CLDN18: variants seen among roughly 807,000 people sequenced by gnomAD.
The protein encoded by CLDN18 is claudin-18.
Under a neutral mutation model 25.0 loss-of-function variants are expected in CLDN18, and 20 were observed. That is an observed-to-expected ratio of 0.80 (90% CI 0.56 to 1.16). The LOEUF (loss-of-function observed/expected upper bound fraction) is 1.16, where lower values mean the gene tolerates loss of function less well. CLDN18 is among the 50% of genes most tolerant of loss of function. CLDN18 has a pLI of 0.00. For synonymous variants in CLDN18, 125 were observed against 135.6 expected (o/e 0.92, Z 0.54); for missense variants, 297 against 345.4 (o/e 0.86, Z 1.11).
intron 1 of CLDN18, among the ~76,000 whole-genome samples, chr3:138,013,106 G>C (rs1182677412): frequency 6.6e-6 from 1 of 152,170 alleles, no homozygotes; most frequent in Non-Finnish European, 1.5e-5. Context: ...TAAATAGTAC[G>C]AATAGTTCAT....
At chr3:138,006,860 T>C (rs556145826), upstream of CLDN18, among the ~76,000 whole-genome samples, 38 of 152,292 alleles carry the variant, frequency 2.5e-4, no homozygotes, top group African/African-American at 9.1e-4. Context: ...CTTTTTCTAT[T>C]TTCAAAAAAG....
Position 138,031,228 on chromosome 3 carries a change from C to T in CLDN18, c.*87C>T. On this transcript the variant is annotated 3_prime_UTR_variant, in exon 5 of 5. Coordinates refer to ENST00000183605, the MANE Select transcript of CLDN18 (RefSeq NM_016369.4). ...GAGATCCCATCTAGATTTCTTCTTGCTTTTGACTCACAGCTGGAAGTTAGA... is the reference window on the plus strand; with the variant it reads ...GAGATCCCATCTAGATTTCTTCTTGTTTTTGACTCACAGCTGGAAGTTAGA... The T allele has an allele frequency of 1.6e-6, 2 of 1,245,140 alleles. No individual in the cohort carries two copies. Among genetic ancestry groups the T allele is most frequent in the Non-Finnish European group, 2.2e-6 (2 of 905,542 alleles). The allele number at this position is 1,245,140 out of a possible 1,614,324, so 77.1% of individuals were successfully genotyped here.
intron 1 of CLDN18, among the ~76,000 whole-genome samples, chr3:138,020,241 C>T (rs1006243786): frequency 1.3e-5 from 2 of 152,126 alleles, no homozygotes; most frequent in Non-Finnish European, 2.9e-5. Flanking sequence ...GCACCTGCTC[C>T]CATGACAGTT....
At chr3:138,003,861 T>C (rs1942041982) in intron 1 of CLDN18, among the ~76,000 whole-genome samples, 1 of 152,152 alleles carries the variant, frequency 6.6e-6, no homozygotes, top group Admixed American at 6.5e-5. Flanking sequence ...TGTATTAATA[T>C]ACATAACTTA....
intron 1 of CLDN18, among the ~76,000 whole-genome samples, chr3:138,002,304 A>G (rs1055349157): frequency 4.0e-5 from 6 of 151,478 alleles, no homozygotes; most frequent in East Asian, 1.9e-4. Context: ...AATTAGACGG[A>G]AAAAAAAAGT....
intron 4 of CLDN18, 114 bp from the exon 5 acceptor site, chr3:138,030,856 G>A (rs1942383721): frequency 6.1e-6 from 6 of 990,090 alleles, no homozygotes; most frequent in African/African-American, 1.6e-5. Context: ...GGACTGATGG[G>A]TTTCCAGGGA....
intron 1 of CLDN18, among the ~76,000 whole-genome samples, chr3:138,022,520 A>G (rs1283177168): frequency 6.6e-6 from 1 of 152,252 alleles, no homozygotes; most frequent in Non-Finnish European, 1.5e-5. Flanking sequence ...TAGAAATTTA[A>G]ATTTTTAAGT....
intron 1 of CLDN18, among the ~76,000 whole-genome samples, chr3:138,002,442 C>T (rs1942029182): frequency 6.6e-6 from 1 of 152,240 alleles, no homozygotes; most frequent in South Asian, 2.1e-4. Flanking sequence ...TTGGAGTTCC[C>T]CCAATTCTGT....
upstream of CLDN18, among the ~76,000 whole-genome samples, chr3:138,007,814 T>G (rs778281004): frequency 2.0e-5 from 3 of 152,232 alleles, no homozygotes; most frequent in African/African-American, 7.2e-5. Context: ...TTCAACCTAA[T>G]TGGTCAATCT....
In CLDN18 at chr3:138,031,074, T is replaced by C. The variant is rs1408151519; in HGVS notation, c.719T>C (p.Ile240Thr). 6.2e-7 allele frequency: 1 copy of C among 1,614,110 alleles called. No homozygotes were observed. The highest frequency in any genetic ancestry group is 8.5e-7 in the Non-Finnish European group (1 of 1,180,034). Residue 240 changes from isoleucine to threonine, a missense_variant, in exon 5 of 5, where the codon ATA becomes ACA. Ile to Thr is a moderately conservative substitution (Grantham distance 89). Transcript: ENST00000183605. ...GGGTCCAACACCAAAAACAAGAAGA[T>C]ATACGATGGAGGTGCCCGCACAGAG... ...GFGSNTKNKK[I>T]YDGGARTEDE...
upstream of CLDN18, among the ~76,000 whole-genome samples, chr3:138,007,165 G>C (rs765203549): frequency 1.6e-4 from 24 of 151,972 alleles, no homozygotes; most frequent in Non-Finnish European, 3.2e-4. Flanking sequence ...AGAATAAAAG[G>C]ATACAATTTG....
chr3:138,009,220 G>A (rs964810579), upstream of CLDN18, among the ~76,000 whole-genome samples: 1 of 152,288 alleles, frequency 6.6e-6, no homozygotes, highest in East Asian at 1.9e-4. Flanking sequence ...TTAGGAGTTT[G>A]CCCCCAACCT....
Position 138,020,337 on chromosome 3 carries a change from G to A in CLDN18, c.221-3321G>A, listed in dbSNP as rs535095307. Reference sequence around the variant, plus strand: ...AAGTTAAAATCAGAAGTTTCTTTAGGAGAAGAGAATCAGAATCAAGTATAT... The same window carrying A: ...AAGTTAAAATCAGAAGTTTCTTTAGAAGAAGAGAATCAGAATCAAGTATAT... On this transcript the variant is annotated intron_variant, in intron 1 of 4. Coordinates refer to ENST00000183605, the MANE Select transcript of CLDN18 (RefSeq NM_016369.4). Among the ~76,000 whole-genome samples the A allele has an allele frequency of 2.0e-5, 3 of 152,316 alleles. No homozygotes were observed. In the South Asian group the frequency reaches 6.2e-4, roughly 32 times the overall value.
Position 138,000,257 on chromosome 3 carries a change from G to T in CLDN18, c.220+1169G>T, listed in dbSNP as rs944912768. 2.6e-5 allele frequency among the ~76,000 whole-genome samples: 4 copies of T among 152,114 alleles called. No individual in the cohort carries two copies. The South Asian group carries it at 6.2e-4, about 24-fold the overall frequency. ...AATATGCCAAGTGAGGGAGACAGAG[G>T]GCCAGTGTGGCAGGAGAAGAGGGTG... On this transcript the variant is annotated intron_variant, in intron 1 of 4. Transcript: ENST00000343735.
At position 138,023,676 on chromosome 3, in the gene CLDN18, G is replaced by A. The variant is rs764565705; in HGVS notation, c.239G>A (p.Arg80Gln). 3 of 1,613,932 alleles carry A rather than the reference G, an allele frequency of 1.9e-6. No individual in the cohort carries two copies. The highest frequency in any genetic ancestry group is 1.3e-5 in the African/African-American group (1 of 75,014). Reference protein sequence around the residue: ...LGLPAMLQAVRALMIVGIVLG... With the variant: ...LGLPAMLQAVQALMIVGIVLG... ...CCCACAGCCATGCTGCAGGCAGTGCGAGCCCTGATGATCGTAGGCATCGTC... is the reference window on the plus strand; with the variant it reads ...CCCACAGCCATGCTGCAGGCAGTGCAAGCCCTGATGATCGTAGGCATCGTC... The change falls in exon 2 of 5, where the codon CGA becomes CAA. Residue 80 changes from arginine to glutamine, a missense_variant. Arg to Gln is a conservative substitution (Grantham distance 43, BLOSUM62 1). Coordinates refer to ENST00000183605, the MANE Select transcript of CLDN18 (RefSeq NM_016369.4).
At chr3:138,018,141 T>C (rs1942230337) in intron 1 of CLDN18, among the ~76,000 whole-genome samples, 1 of 152,186 alleles carries the variant, frequency 6.6e-6, no homozygotes, top group East Asian at 1.9e-4. Flanking sequence ...ATAAGAAGAT[T>C]ATCTTAGGTT....
chr3:138,024,532 C>T, intron 2 of CLDN18, 75 bp from the exon 3 acceptor site: 2 of 844,380 alleles, frequency 2.4e-6, no homozygotes, highest in Non-Finnish European at 4.1e-6. Flanking sequence ...CTAAACTCAT[C>T]TAGGCATAAA....
At chr3:138,005,904 TCTAA>T (rs199961457), upstream of CLDN18, among the ~76,000 whole-genome samples, 7,517 of 152,180 alleles carry the variant, frequency 0.049, 615 homozygotes, top group African/African-American at 0.17. Flanking sequence ...GAAGGTACAA[TCTAA>T]CTATATAAAA....
chr3:138,023,566 T>C (rs1576411850), intron 1 of CLDN18, 92 bp from the exon 2 acceptor site: 1 of 1,280,172 alleles, frequency 7.8e-7, no homozygotes, highest in Non-Finnish European at 1.1e-6. Flanking sequence ...TGCAGGTTAG[T>C]TGTGGTTGCT....
Sources: allele counts gnomAD v4.1 joint callset (sites outside exome capture counted in the v4.1 genomes callset), GRCh38; gene constraint gnomAD v4.1.1; transcripts MANE v1.5; gene names NCBI Gene and HGNC (gene_info 2026-07-23, HGNC 2026-07-21).